PCCA: variants seen among roughly 807,000 people sequenced by gnomAD.
The protein encoded by PCCA is propionyl-CoA carboxylase alpha chain, mitochondrial.
PCCA carries 74 observed loss-of-function variants against 101.3 expected under a neutral mutation model. That is an observed-to-expected ratio of 0.73 (90% CI 0.61 to 0.89). The LOEUF (loss-of-function observed/expected upper bound fraction) is 0.89. Ranked by LOEUF, PCCA falls within the 40% of genes least tolerant of loss-of-function variation. The probability of loss-of-function intolerance (pLI) is 0.00; values close to 1 mark genes in which losing one functional copy is unlikely to be tolerated. For synonymous variants in PCCA, 294 were observed against 313.6 expected, an observed-to-expected ratio of 0.94 and a Z score of 0.66; for missense variants, 891 against 907.0, an observed-to-expected ratio of 0.98 and a Z score of 0.23.
At chr13:100,201,878 A>C (rs1197494035) in intron 6 of PCCA, among the ~76,000 whole-genome samples, 15 of 150,642 alleles carry the variant, frequency 1.0e-4, no homozygotes, top group Admixed American at 3.3e-4. Context: ...AAAAAAAAAA[A>C]AAAAAAAAAA....
At chr13:100,330,801 A>G in intron 17 of PCCA, 130 bp downstream of exon 17, 1 of 656,274 alleles carries the variant, frequency 1.5e-6, no homozygotes. Flanking sequence ...TAGAACATGC[A>G]AGACTGTTTA....
chr13:100,141,932 AAG>A (rs2051920427), intron 4 of PCCA, among the ~76,000 whole-genome samples: 2 of 152,234 alleles, frequency 1.3e-5, no homozygotes, highest in Admixed American at 1.3e-4. Flanking sequence ...TGAATTACAT[AAG>A]AGAGTGGAAA....
intron 21 of PCCA, among the ~76,000 whole-genome samples, chr13:100,471,867 C>T (rs578201533): frequency 6.6e-6 from 1 of 152,270 alleles, no homozygotes; most frequent in South Asian, 2.1e-4. Context: ...CACTGGGGCC[C>T]ACCCGGAGCT....
intron 1 of PCCA, among the ~76,000 whole-genome samples, chr13:100,090,639 T>C (rs1325683548): frequency 1.3e-5 from 2 of 152,214 alleles, no homozygotes; most frequent in Non-Finnish European, 2.9e-5. Context: ...GTAACAAGTG[T>C]AAAATGGTAT....
intron 19 of PCCA, among the ~76,000 whole-genome samples, chr13:100,381,859 G>A (rs1162550667): frequency 6.6e-6 from 1 of 152,236 alleles, no homozygotes; most frequent in African/African-American, 2.4e-5. Flanking sequence ...AGGAGGGAGT[G>A]CACAGGTGAG....
intron 4 of PCCA, among the ~76,000 whole-genome samples, chr13:100,118,282 C>T (rs1156365628): frequency 3.3e-5 from 5 of 152,022 alleles, no homozygotes; most frequent in African/African-American, 1.2e-4. Context: ...TGTAATATGC[C>T]TACCACATTC....
intron 21 of PCCA, among the ~76,000 whole-genome samples, chr13:100,513,074 T>C (rs1175168258): frequency 6.6e-6 from 1 of 152,258 alleles, no homozygotes; most frequent in Non-Finnish European, 1.5e-5. Context: ...GATGGGCCCC[T>C]ACGCTGCACC....
At chr13:100,130,563 T>G (rs2050401358) in intron 4 of PCCA, among the ~76,000 whole-genome samples, 1 of 117,224 alleles carries the variant, frequency 8.5e-6, no homozygotes, top group East Asian at 3.9e-4. Context: ...TTTGTAGAAA[T>G]TGTTAAGTTG....
chr13:100,526,894 G>T (rs187968893), intron 22 of PCCA, among the ~76,000 whole-genome samples: 30 of 152,380 alleles, frequency 2.0e-4, no homozygotes, highest in Admixed American at 1.9e-3. Context: ...GCAAAGGCCC[G>T]TGGGCGCTCC....
intron 6 of PCCA, among the ~76,000 whole-genome samples, chr13:100,185,166 A>G (rs1025419600): frequency 2.6e-5 from 4 of 152,148 alleles, no homozygotes; most frequent in South Asian, 4.2e-4. Flanking sequence ...CACTGTCCTA[A>G]CTATTATGGG....
intron 12 of PCCA, among the ~76,000 whole-genome samples, chr13:100,285,858 G>A (rs570863570): frequency 2.0e-5 from 3 of 152,290 alleles, no homozygotes; most frequent in East Asian, 3.9e-4. Flanking sequence ...AATGGGATAC[G>A]AAGGGCAGGT....
chr13:100,159,420 C>T (rs945946806), intron 6 of PCCA, among the ~76,000 whole-genome samples: 2 of 151,882 alleles, frequency 1.3e-5, no homozygotes, highest in Non-Finnish European at 2.9e-5. Context: ...TGTTTAAGGC[C>T]TTTGAGAAGG....
intron 8 of PCCA, among the ~76,000 whole-genome samples, chr13:100,245,683 C>T (rs1206617146): frequency 1.3e-5 from 2 of 152,176 alleles, no homozygotes; most frequent in Non-Finnish European, 2.9e-5. Context: ...ACTATTATAT[C>T]TCATTGTGTG....
chr13:100,523,930 C>A (rs1054837391), intron 22 of PCCA, among the ~76,000 whole-genome samples: 1 of 152,270 alleles, frequency 6.6e-6, no homozygotes, highest in Admixed American at 6.5e-5. Context: ...GGGCCCCGCA[C>A]ATGGGGGCGT....
intron 19 of PCCA, among the ~76,000 whole-genome samples, chr13:100,412,990 A>G (rs549286644): frequency 6.6e-6 from 1 of 152,336 alleles, no homozygotes; most frequent in African/African-American, 2.4e-5. Flanking sequence ...TATAATGTAA[A>G]ATATAATTAA....
At position 100,301,546 on chromosome 13, in the gene PCCA, C is replaced by A. The variant is rs921665208; in HGVS notation, c.1152C>A (p.His384Gln). ...IRVAKGYPLR[H>Q]KQADIRINGW... Reference sequence around the variant, plus strand: ...TTGCTAAGGGCTACCCTCTCAGGCACAAACAAGCTGATATTCGCATCAACG... The same window carrying A: ...TTGCTAAGGGCTACCCTCTCAGGCAAAAACAAGCTGATATTCGCATCAACG... Residue 384 changes from histidine (H) to glutamine (Q), a missense_variant, in exon 13 of 24, where the codon CAC becomes CAA. Physicochemically the swap from His to Gln is conservative, Grantham distance 24. Transcript: ENST00000376285. 4 of 1,613,950 alleles carry A rather than the reference C, an allele frequency of 2.5e-6. No individual in the cohort carries two copies. Among genetic ancestry groups the A allele is most frequent in the Non-Finnish European group, 3.4e-6 (4 of 1,179,972 alleles).
chr13:100,283,869 G>C (rs9513745), intron 12 of PCCA, among the ~76,000 whole-genome samples: 141,358 of 152,088 alleles, frequency 0.93, 66,533 homozygotes, highest in East Asian at 1. Context: ...ACAGGCTGCC[G>C]CCTCGTCCAT....
Position 100,440,151 on chromosome 13 carries a change from T to C in PCCA, c.1846-9101T>C, listed in dbSNP as rs1472239273. Among the ~76,000 whole-genome samples, 12 of 124,638 alleles carry C rather than the reference T, an allele frequency of 9.6e-5. No homozygotes were observed. The East Asian group carries it at 3.5e-3, about 36-fold the overall frequency. The allele number at this position is 124,638 out of a possible 152,430, so 81.8% of individuals were successfully genotyped here. Reference sequence around the variant, plus strand: ...GATTAGTTGTGAAATGACTAGAGTATTAAATTATATATATATATATATATA... The same window carrying C: ...GATTAGTTGTGAAATGACTAGAGTACTAAATTATATATATATATATATATA... On this transcript the variant is annotated intron_variant, in intron 20 of 23. Coordinates refer to ENST00000376285, the MANE Select transcript of PCCA (RefSeq NM_000282.4).
intron 19 of PCCA, among the ~76,000 whole-genome samples, chr13:100,384,381 A>C (rs1293488109): frequency 6.6e-6 from 1 of 152,230 alleles, no homozygotes; most frequent in East Asian, 1.9e-4. Flanking sequence ...GTTTTCATAA[A>C]AATGAAAAAT....
Sources: allele counts gnomAD v4.1 joint callset (sites outside exome capture counted in the v4.1 genomes callset), GRCh38; gene constraint gnomAD v4.1.1; transcripts MANE v1.5; gene names NCBI Gene and HGNC (gene_info 2026-07-23, HGNC 2026-07-21).